Variants in PHF20 observed in about 807,000 individuals in gnomAD.
The protein encoded by PHF20 is glioma-expressed antigen 2.
PHF20 carries 23 observed loss-of-function variants against 113.5 expected under a neutral mutation model. The ratio of observed to expected loss-of-function variants is 0.20; its 90% CI spans 0.15 to 0.29. The LOEUF is 0.29. PHF20 is among the 10% of genes least tolerant of loss of function. The probability of loss-of-function intolerance (pLI) is 1.00; values close to 1 mark genes in which losing one functional copy is unlikely to be tolerated. For missense variants in PHF20, 943 were observed against 1,219.6 expected (o/e 0.77, Z 3.38); for synonymous variants, 434 against 457.3 (o/e 0.95, Z 0.65).
intron 2 of PHF20, among the ~76,000 whole-genome samples, chr20:35,808,862 G>A (rs1378433500): frequency 6.6e-6 from 1 of 151,316 alleles, no homozygotes; most frequent in Non-Finnish European, 1.5e-5. Context: ...GTGAGCCACC[G>A]CACCTGGCCC....
At chr20:35,911,080 G>A (rs775207224) in intron 10 of PHF20, among the ~76,000 whole-genome samples, 11 of 151,696 alleles carry the variant, frequency 7.3e-5, no homozygotes, top group East Asian at 1.9e-4. Flanking sequence ...TTGCACTGTC[G>A]CCCAGGCTGG....
At chr20:35,861,633 G>A (rs1279799044) in intron 5 of PHF20, among the ~76,000 whole-genome samples, 3 of 151,932 alleles carry the variant, frequency 2.0e-5, no homozygotes, top group African/African-American at 7.3e-5. Flanking sequence ...TTATTTCTAG[G>A]AATTTATTCT....
In PHF20 at chr20:35,817,227, C is replaced by T. The variant is rs561916389; in HGVS notation, c.83+15622C>T. Among the ~76,000 whole-genome samples, 11 of 151,802 alleles carry T rather than the reference C, an allele frequency of 7.2e-5. 1 individual carries two copies. In the South Asian group the frequency reaches 2.3e-3, roughly 32 times the overall value. On this transcript the variant is annotated intron_variant, in intron 2 of 17. Coordinates refer to ENST00000374012, the MANE Select transcript of PHF20 (RefSeq NM_016436.5). ...TTTGAGACAGAGTCTCATTCTGTCACCCAGGCTGGAGTGCAATGGCGTGAT... is the reference window on the plus strand; with the variant it reads ...TTTGAGACAGAGTCTCATTCTGTCATCCAGGCTGGAGTGCAATGGCGTGAT...
chr20:35,939,356 G>A (rs376205640), intron 16 of PHF20, among the ~76,000 whole-genome samples: 4 of 152,232 alleles, frequency 2.6e-5, no homozygotes, highest in Admixed American at 6.5e-5. Context: ...TGGGGGGCGC[G>A]GGTGCAGAGG....
chr20:35,790,870 G>GT (rs898140361), intron 1 of PHF20, among the ~76,000 whole-genome samples: 1 of 152,012 alleles, frequency 6.6e-6, no homozygotes, highest in Non-Finnish European at 1.5e-5. Context: ...GTTTGTTTTT[G>GT]TTTTTTGAGA....
rs138919766 is a variant in PHF20, at chr20:35,938,576, G to A, written c.2301-121G>A. The A allele has an allele frequency of 1.6e-3, 1,457 of 911,970 alleles. 14 individuals carry two copies. The African/African-American group carries it at 0.021, about 13-fold the overall frequency. The allele number at this position is 911,970 out of a possible 1,614,324, so 56.5% of individuals were successfully genotyped here. On this transcript the variant is annotated intron_variant, in intron 15 of 17. Coordinates refer to ENST00000374012, the MANE Select transcript of PHF20 (RefSeq NM_016436.5). ...ATTCGCTCTTGTTTAGCAAATGGTA[G>A]TGTGTGGTCAGATGGCCCAGGTGGA...
intron 9 of PHF20, among the ~76,000 whole-genome samples, chr20:35,885,467 C>CTTTTTTTTTTTTTTTTTTTTTTT (rs577878410): frequency 2.8e-5 from 1 of 35,724 alleles, no homozygotes; most frequent in African/African-American, 1.1e-4. Flanking sequence ...GGGGAATAAG[C>CTTTTTTTTTTTTTTTTTTTTTTT]TTTTTTTTTT....
chr20:35,785,674 A>T (rs1437683740), intron 1 of PHF20, among the ~76,000 whole-genome samples: 2 of 152,120 alleles, frequency 1.3e-5, no homozygotes, highest in Non-Finnish European at 2.9e-5. Flanking sequence ...TTAAAACTCC[A>T]TAGGCATGAA....
intron 1 of PHF20, among the ~76,000 whole-genome samples, chr20:35,776,432 A>T (rs1367904220): frequency 1.3e-5 from 2 of 152,232 alleles, no homozygotes; most frequent in Non-Finnish European, 2.9e-5. Context: ...ATATTCTTTG[A>T]TGGTGATCAT....
chr20:35,835,241 C>T (rs929405349), intron 2 of PHF20, among the ~76,000 whole-genome samples: 3 of 151,980 alleles, frequency 2.0e-5, no homozygotes, highest in African/African-American at 4.8e-5. Flanking sequence ...CGCCACTGCA[C>T]TCCAGTCTGG....
chr20:35,855,231 G>A, intron 4 of PHF20: 1 of 1,325,738 alleles, frequency 7.5e-7, no homozygotes, highest in African/African-American at 1.5e-5. Flanking sequence ...TATCATAACT[G>A]CTTTGCTTGC....
chr20:35,912,719 C>T (rs557344771), intron 10 of PHF20, among the ~76,000 whole-genome samples: 5 of 152,228 alleles, frequency 3.3e-5, no homozygotes, highest in Non-Finnish European at 5.9e-5. Flanking sequence ...GTAGTCCCAG[C>T]TACTCTGGAG....
intron 4 of PHF20, chr20:35,855,172 G>A: frequency 1.2e-6 from 1 of 804,958 alleles, no homozygotes; most frequent in Non-Finnish European, 1.7e-6. Context: ...TGCCAGAGTT[G>A]CACCATGGTT....
intron 15 of PHF20, 32 bp downstream of exon 15, chr20:35,931,476 T>G: frequency 3.8e-6 from 6 of 1,569,616 alleles, no homozygotes; most frequent in Non-Finnish European, 5.2e-6. Flanking sequence ...CTGGGAGCAG[T>G]CTGTTTGGCA....
At chr20:35,781,753 T>A (rs1436412250) in intron 1 of PHF20, among the ~76,000 whole-genome samples, 1 of 152,138 alleles carries the variant, frequency 6.6e-6, no homozygotes, top group African/African-American at 2.4e-5. Context: ...GAGGCCAGCC[T>A]GGCCATCATG....
At chr20:35,907,632 T>C (rs889720072) in intron 10 of PHF20, among the ~76,000 whole-genome samples, 2 of 152,246 alleles carry the variant, frequency 1.3e-5, no homozygotes, top group Admixed American at 1.3e-4. Context: ...TATTTAGTTA[T>C]CAGAACAAAC....
chr20:35,914,874 G>C (rs1467634511), intron 12 of PHF20, among the ~76,000 whole-genome samples: 1 of 148,994 alleles, frequency 6.7e-6, no homozygotes, highest in African/African-American at 2.5e-5. Flanking sequence ...TGAGGCAGGA[G>C]AATCGTTTGA....
chr20:35,921,802 T>C lies in PHF20; in HGVS notation c.2004+4140T>C, dbSNP rs143174847. 2.6e-4 allele frequency among the ~76,000 whole-genome samples: 40 copies of C among 152,274 alleles called. 1 individual carries two copies. Among genetic ancestry groups the C allele is most frequent in the African/African-American group, 9.6e-4 (40 of 41,564 alleles). On this transcript the variant is annotated intron_variant, in intron 13 of 17. Transcript: ENST00000374012. ...AAGGATGTTGAAGATCTTTAGTTTCTACTCTGTCATCCTTGAGCATATGCT... is the reference window on the plus strand; with the variant it reads ...AAGGATGTTGAAGATCTTTAGTTTCCACTCTGTCATCCTTGAGCATATGCT...
At chr20:35,800,456 G>T (rs1305000244) in intron 1 of PHF20, among the ~76,000 whole-genome samples, 4 of 152,030 alleles carry the variant, frequency 2.6e-5, no homozygotes, top group Non-Finnish European at 5.9e-5. Context: ...AAAGAAGTAG[G>T]AAATATACAT....
Sources: allele counts gnomAD v4.1 joint callset (sites outside exome capture counted in the v4.1 genomes callset), GRCh38; gene constraint gnomAD v4.1.1; transcripts MANE v1.5; gene names NCBI Gene and HGNC (gene_info 2026-07-23, HGNC 2026-07-21).